CHCHD6: variants seen among roughly 807,000 people sequenced by gnomAD.
CHCHD6 encodes coiled-coil-helix-coiled-coil-helix domain containing 6.
A neutral mutation model predicts 32.3 loss-of-function variants in CHCHD6; 28 were observed. The observed-to-expected ratio is 0.87, with a 90% CI of 0.64 to 1.19. CHCHD6 has a LOEUF of 1.19. CHCHD6 is among the 50% of genes most tolerant of loss of function. The pLI is 0.00. For synonymous variants in CHCHD6, 122 were observed against 117.5 expected (o/e 1.04, Z -0.25); for missense variants, 333 against 307.0 (o/e 1.08, Z -0.63).
intron 4 of CHCHD6, among the ~76,000 whole-genome samples, chr3:126,840,547 C>G (rs1442802332): frequency 1.3e-5 from 2 of 152,180 alleles, no homozygotes; most frequent in Non-Finnish European, 2.9e-5. Context: ...ACCTCAGGAT[C>G]AGTTCCAAGT....
chr3:126,760,925 C>T (rs1156675094), intron 4 of CHCHD6, among the ~76,000 whole-genome samples: 4 of 152,232 alleles, frequency 2.6e-5, no homozygotes, highest in Non-Finnish European at 4.4e-5. Flanking sequence ...CCTCAAACTC[C>T]TGTGCTCAAG....
At chr3:126,754,097 G>A (rs1197922988) in intron 4 of CHCHD6, among the ~76,000 whole-genome samples, 1 of 152,208 alleles carries the variant, frequency 6.6e-6, no homozygotes, top group East Asian at 1.9e-4. Flanking sequence ...AATAGTCATA[G>A]CAGTTAGAGC....
intron 6 of CHCHD6, among the ~76,000 whole-genome samples, chr3:126,955,116 G>A (rs569837091): frequency 3.6e-4 from 55 of 152,348 alleles, no homozygotes; most frequent in African/African-American, 1.2e-3. Flanking sequence ...GAGGCCAGCC[G>A]TCCCCCAAGG....
intron 4 of CHCHD6, among the ~76,000 whole-genome samples, chr3:126,790,830 G>C (rs527713534): frequency 6.6e-6 from 1 of 152,216 alleles, no homozygotes; most frequent in Non-Finnish European, 1.5e-5. Context: ...AGTTGTCAAA[G>C]TCATTCTCCA....
intron 4 of CHCHD6, among the ~76,000 whole-genome samples, chr3:126,824,586 A>C (rs1179761051): frequency 6.7e-6 from 1 of 149,668 alleles, no homozygotes; most frequent in African/African-American, 2.5e-5. Flanking sequence ...AAAAAAGTCA[A>C]ATGTTGGTTT....
intron 5 of CHCHD6, among the ~76,000 whole-genome samples, chr3:126,869,119 T>C (rs942846564): frequency 6.6e-6 from 1 of 152,220 alleles, no homozygotes; most frequent in African/African-American, 2.4e-5. Context: ...CACTGGTGTG[T>C]ATTCTTCCAT....
chr3:126,738,055 C>G (rs77010084), intron 4 of CHCHD6, among the ~76,000 whole-genome samples: 12,157 of 152,212 alleles, frequency 0.08, 626 homozygotes, highest in Middle Eastern at 0.2. Flanking sequence ...TGGATGTGCC[C>G]CTCTAACCTA....
intron 4 of CHCHD6, among the ~76,000 whole-genome samples, chr3:126,845,162 T>A (rs1415854544): frequency 6.6e-6 from 1 of 152,192 alleles, no homozygotes; most frequent in Non-Finnish European, 1.5e-5. Context: ...ATATTTGATG[T>A]AATTTCTGAT....
chr3:126,951,926 A>C (rs1212175446), intron 6 of CHCHD6, among the ~76,000 whole-genome samples: 2 of 152,188 alleles, frequency 1.3e-5, no homozygotes, highest in East Asian at 3.8e-4. Context: ...AACTTGAGCA[A>C]GTTACTGTAT....
chr3:126,881,679 G>A (rs558625579), intron 5 of CHCHD6, among the ~76,000 whole-genome samples: 30 of 152,280 alleles, frequency 2.0e-4, no homozygotes, highest in African/African-American at 6.0e-4. Flanking sequence ...CGAAGGAGTC[G>A]GCTGGAGTAT....
chr3:126,803,173 C>T (rs1281084365), intron 4 of CHCHD6, among the ~76,000 whole-genome samples: 1 of 151,418 alleles, frequency 6.6e-6, no homozygotes, highest in African/African-American at 2.4e-5. Flanking sequence ...GCAAAATAAC[C>T]AGCTAACATC....
chr3:126,733,354 C>A (rs1053147742), intron 4 of CHCHD6, 132 bp downstream of exon 4: 14 of 822,116 alleles, frequency 1.7e-5, no homozygotes, highest in Non-Finnish European at 2.7e-5. Context: ...CTCGGCTTCA[C>A]CTCTGTGGAA....
At chr3:126,734,971 A>G (rs1012803056) in intron 4 of CHCHD6, among the ~76,000 whole-genome samples, 21 of 152,144 alleles carry the variant, frequency 1.4e-4, no homozygotes, top group Admixed American at 3.3e-4. Flanking sequence ...TTAGAACCCC[A>G]TGGCATCCTG....
intron 4 of CHCHD6, among the ~76,000 whole-genome samples, chr3:126,754,250 A>G (rs1167212912): frequency 2.0e-5 from 3 of 152,186 alleles, no homozygotes; most frequent in Non-Finnish European, 1.5e-5. Flanking sequence ...CCCCATCCGT[A>G]ATACAGGGAC....
chr3:126,801,279 G>T (rs1985504), intron 4 of CHCHD6, among the ~76,000 whole-genome samples: 1 of 152,198 alleles, frequency 6.6e-6, no homozygotes, highest in Non-Finnish European at 1.5e-5. Context: ...CTCAGGAAGC[G>T]CAAGGGGTCA....
chr3:126,783,390 G>C (rs1938045099), intron 4 of CHCHD6, among the ~76,000 whole-genome samples: 1 of 152,202 alleles, frequency 6.6e-6, no homozygotes. Flanking sequence ...TGTAAGATCA[G>C]AAACAAGGGT....
intron 1 of CHCHD6, among the ~76,000 whole-genome samples, chr3:126,712,314 A>G (rs1435444093): frequency 2.0e-5 from 3 of 152,326 alleles, no homozygotes; most frequent in South Asian, 2.1e-4. Context: ...CAGTAATACA[A>G]TCTAAGTAGT....
At chr3:126,814,791 A>G (rs1939806471) in intron 4 of CHCHD6, among the ~76,000 whole-genome samples, 1 of 152,110 alleles carries the variant, frequency 6.6e-6, no homozygotes, top group Non-Finnish European at 1.5e-5. Context: ...AACCCAAGAG[A>G]GGGTCATGGG....
chr3:126,801,421 G>A (rs1208394011), intron 4 of CHCHD6, among the ~76,000 whole-genome samples: 1 of 151,948 alleles, frequency 6.6e-6, no homozygotes, highest in Non-Finnish European at 1.5e-5. Context: ...CCCGCACCTG[G>A]CTCGGAGGAT....
Sources: gnomAD v4.1 joint callset for allele counts (sites outside exome capture counted in the v4.1 genomes callset) on GRCh38, gnomAD v4.1.1 for gene constraint, MANE v1.5 for transcripts, NCBI Gene and HGNC (gene_info 2026-07-23, HGNC 2026-07-21) for gene names.